OR1J2: variants seen among roughly 807,000 people sequenced by gnomAD.
OR1J2 encodes the protein olfactory receptor family 1 subfamily J member 2, also known as olfactory receptor 1J2.
For missense variants in OR1J2, 304 were observed against 246.1 expected (o/e 1.24, Z -1.57); for synonymous variants, 142 against 99.7 (o/e 1.42, Z -2.52).
chr9:122,477,852 G>A, the OR1J2 span: 26 of 1,614,018 alleles, frequency 1.6e-5, no homozygotes, highest in East Asian at 1.3e-4. Flanking sequence ...CGAAGAACAC[G>A]GCCTGCTGCT....
At chr9:122,497,021 C>T in the OR1J2 span, among the ~76,000 whole-genome samples, 1 of 152,256 alleles carries the variant, frequency 6.6e-6, no homozygotes, top group South Asian at 2.1e-4. Flanking sequence ...AAAGGCCAGT[C>T]TTACTCACAC....
At chr9:122,489,716 C>T in the OR1J2 span, among the ~76,000 whole-genome samples, 1 of 152,162 alleles carries the variant, frequency 6.6e-6, no homozygotes, top group East Asian at 1.9e-4. Flanking sequence ...ACTTGGTGAC[C>T]ATTGTTTGTG....
the OR1J2 span, among the ~76,000 whole-genome samples, chr9:122,458,966 T>C: frequency 2.0e-5 from 3 of 152,194 alleles, no homozygotes; most frequent in Non-Finnish European, 4.4e-5. Context: ...AATTTATCTG[T>C]CTCTTTTCAT....
At chr9:122,486,608 G>A in the OR1J2 span, among the ~76,000 whole-genome samples, 1 of 152,166 alleles carries the variant, frequency 6.6e-6, no homozygotes, top group Non-Finnish European at 1.5e-5. Flanking sequence ...TATTTATTGT[G>A]TGAATAATAA....
chr9:122,464,188 C>T, the OR1J2 span, among the ~76,000 whole-genome samples: 1 of 152,124 alleles, frequency 6.6e-6, no homozygotes, highest in Non-Finnish European at 1.5e-5. Context: ...ATGGTTGCTT[C>T]TGCTGTGTCA....
chr9:122,545,361 A>G, the OR1J2 span, among the ~76,000 whole-genome samples: 1 of 152,154 alleles, frequency 6.6e-6, no homozygotes, highest in Non-Finnish European at 1.5e-5. Flanking sequence ...CAAATATTTT[A>G]TATATTGATT....
the OR1J2 span, chr9:122,554,057 G>A: frequency 1.3e-5 from 21 of 1,613,462 alleles, no homozygotes; most frequent in Non-Finnish European, 1.8e-5. Context: ...TTCTCTATAT[G>A]GTGATTATTC....
chr9:122,519,191 C>T, the OR1J2 span: 2 of 1,613,656 alleles, frequency 1.2e-6, no homozygotes, highest in Non-Finnish European at 1.7e-6. Context: ...TCCTGGACCT[C>T]CCCATCTGGC....
At chr9:122,517,323 G>A in the OR1J2 span, among the ~76,000 whole-genome samples, 8 of 152,154 alleles carry the variant, frequency 5.3e-5, no homozygotes, top group East Asian at 1.9e-4. Context: ...AGGTGCAGCC[G>A]GGGAACCTGG....
chr9:122,532,353 T>G, the OR1J2 span, among the ~76,000 whole-genome samples: 1 of 152,130 alleles, frequency 6.6e-6, no homozygotes, highest in Non-Finnish European at 1.5e-5. Flanking sequence ...CTGCCTTTGC[T>G]GGTGTGTGGC....
the OR1J2 span, among the ~76,000 whole-genome samples, chr9:122,544,131 A>T: frequency 6.6e-6 from 1 of 152,076 alleles, no homozygotes; most frequent in Non-Finnish European, 1.5e-5. Flanking sequence ...TAAATATATA[A>T]AGTTGTCAAT....
chr9:122,452,388 T>G, the OR1J2 span, among the ~76,000 whole-genome samples: 1 of 152,222 alleles, frequency 6.6e-6, no homozygotes, highest in African/African-American at 2.4e-5. Flanking sequence ...ACCAGTCATC[T>G]TGCCATATGC....
chr9:122,558,331 T>C, the OR1J2 span, among the ~76,000 whole-genome samples: 1 of 143,272 alleles, frequency 7.0e-6, no homozygotes, highest in Non-Finnish European at 1.5e-5. Context: ...TTTTTTTTTT[T>C]TTTTTTTGCA....
At chr9:122,561,959 C>T in the OR1J2 span, among the ~76,000 whole-genome samples, 64 of 152,282 alleles carry the variant, frequency 4.2e-4, no homozygotes, top group South Asian at 3.7e-3. Context: ...TCTGCTGGTC[C>T]GTGGAGACTA....
the OR1J2 span, among the ~76,000 whole-genome samples, chr9:122,472,025 A>G: frequency 2.6e-5 from 4 of 152,332 alleles, no homozygotes; most frequent in East Asian, 7.7e-4. Flanking sequence ...AAAGCAGCCA[A>G]AAATACTTAT....
the OR1J2 span, chr9:122,567,650 A>G: frequency 3.1e-6 from 5 of 1,614,096 alleles, no homozygotes; most frequent in Admixed American, 8.3e-5. Context: ...CTGTGTAAAC[A>G]ATTGTTGCCA....
chr9:122,467,892 A>G, the OR1J2 span, among the ~76,000 whole-genome samples: 2 of 152,186 alleles, frequency 1.3e-5, no homozygotes, highest in South Asian at 4.1e-4. Context: ...CAGATTCTTC[A>G]CCATCACTGA....
At chr9:122,540,997 G>A in the OR1J2 span, among the ~76,000 whole-genome samples, 1 of 152,052 alleles carries the variant, frequency 6.6e-6, no homozygotes, top group African/African-American at 2.4e-5. Context: ...AGTTGCCTAT[G>A]GAAAGCAAAC....
chr9:122,557,283 A>T, the OR1J2 span, among the ~76,000 whole-genome samples: 1 of 151,954 alleles, frequency 6.6e-6, no homozygotes. Flanking sequence ...GAGGGGGGAC[A>T]TTTTTTTGCC....
Sources: allele counts gnomAD v4.1 joint callset (sites outside exome capture counted in the v4.1 genomes callset), GRCh38; gene constraint gnomAD v4.1.1; transcripts MANE v1.5; gene names NCBI Gene and HGNC (gene_info 2026-07-23, HGNC 2026-07-21).